SYT14: variants seen among roughly 807,000 people sequenced by gnomAD.
SYT14 encodes synaptotagmin 14.
In SYT14, 32 loss-of-function variants were observed where a neutral mutation model predicts 74.2. The ratio of observed to expected loss-of-function variants is 0.43; its 90% CI spans 0.33 to 0.58. The LOEUF (loss-of-function observed/expected upper bound fraction) is 0.58, where lower values mean the gene tolerates loss of function less well. Ranked by LOEUF, SYT14 falls within the 20% of genes least tolerant of loss-of-function variation. SYT14 has a pLI of 0.05. For missense variants in SYT14, 791 were observed against 981.8 expected (o/e 0.81, Z 2.60); for synonymous variants, 298 against 337.7 (o/e 0.88, Z 1.29).
intron 1 of SYT14, among the ~76,000 whole-genome samples, chr1:209,944,969 CT>C (rs2078798930): frequency 6.6e-6 from 1 of 152,030 alleles, no homozygotes; most frequent in Non-Finnish European, 1.5e-5. Flanking sequence ...TTTTTGGGTG[CT>C]TGCCATGGGC....
intron 7 of SYT14, among the ~76,000 whole-genome samples, chr1:210,121,312 C>G (rs772968286): frequency 6.6e-6 from 1 of 152,062 alleles, no homozygotes; most frequent in Non-Finnish European, 1.5e-5. Flanking sequence ...TAATTAGATA[C>G]TAGTCCGCAA....
exon 10 of SYT14, chr1:210,168,765 C>T (rs545637400): frequency 3.3e-5 from 5 of 152,282 alleles, no homozygotes; most frequent in South Asian, 2.1e-4. Context: ...CTCCTTCTGA[C>T]GGTTTAATTT....
At chr1:210,130,465 T>G (rs2082651709) in intron 7 of SYT14, among the ~76,000 whole-genome samples, 1 of 152,206 alleles carries the variant, frequency 6.6e-6, no homozygotes, top group African/African-American at 2.4e-5. Context: ...TATTGTGGCA[T>G]TGAAGATATT....
At chr1:209,939,260 G>T (rs1021160624) in intron 1 of SYT14, among the ~76,000 whole-genome samples, 4 of 152,216 alleles carry the variant, frequency 2.6e-5, no homozygotes, top group African/African-American at 9.6e-5. Flanking sequence ...TTCCCTGTGT[G>T]TGTATATTCA....
chr1:209,987,213 C>CT (rs1199702501), intron 2 of SYT14, among the ~76,000 whole-genome samples: 1 of 152,212 alleles, frequency 6.6e-6, no homozygotes, highest in Non-Finnish European at 1.5e-5. Context: ...TCCAAAGTTG[C>CT]TTTCACATTT....
rs7517019 is a variant in SYT14, at chr1:209,987,716, C to G, written c.-485-25917C>G. Among the ~76,000 whole-genome samples, 12 of 151,734 alleles carry G rather than the reference C, an allele frequency of 7.9e-5. No individual in the cohort carries two copies. In the East Asian group the frequency reaches 2.3e-3, roughly 30 times the overall value. On this transcript the variant is annotated intron_variant, in intron 2 of 9. Coordinates refer to ENST00000637265, the Ensembl canonical transcript of SYT14. ...TTGTTTTACAAAATTTCACCTTTTG[C>G]TTTTCAAAGATCATTTAACTGGCAA...
chr1:210,080,247 A>T (rs2081593775), intron 5 of SYT14, among the ~76,000 whole-genome samples: 1 of 152,186 alleles, frequency 6.6e-6, no homozygotes, highest in African/African-American at 2.4e-5. Flanking sequence ...TGTTTAGGCA[A>T]TTTTGTGAAT....
At chr1:209,952,603 C>CT in intron 1 of SYT14, 106 bp from the exon 2 acceptor site, 5 of 964,818 alleles carry the variant, frequency 5.2e-6, no homozygotes, top group Non-Finnish European at 4.9e-6. Context: ...GTTAGGGAAA[C>CT]TTTTTTTGAG....
intron 5 of SYT14, among the ~76,000 whole-genome samples, chr1:210,065,887 C>G (rs1160662847): frequency 6.6e-6 from 1 of 151,138 alleles, no homozygotes; most frequent in Non-Finnish European, 1.5e-5. Context: ...TCCCCCCACC[C>G]CACAACAGTC....
chr1:210,141,003 ATT>A (rs1333103737), intron 7 of SYT14, among the ~76,000 whole-genome samples: 2 of 149,918 alleles, frequency 1.3e-5, no homozygotes, highest in Non-Finnish European at 3.0e-5. Flanking sequence ...TTACATATGA[ATT>A]TTAGGACACT....
chr1:210,105,375 C>G (rs1388404040), intron 7 of SYT14, among the ~76,000 whole-genome samples: 2 of 152,082 alleles, frequency 1.3e-5, no homozygotes, highest in Admixed American at 6.6e-5. Flanking sequence ...ATCTTCTGCT[C>G]GTAACCTTTA....
chr1:210,090,596 A>AG (rs905320158), intron 5 of SYT14, among the ~76,000 whole-genome samples: 21 of 152,258 alleles, frequency 1.4e-4, no homozygotes, highest in African/African-American at 5.1e-4. Flanking sequence ...ATCCTCTTAT[A>AG]GATATATCAT....
In SYT14 at chr1:210,160,838, C is replaced by A. The variant is rs780423233; in HGVS notation, c.2391C>A (p.Val797=). The A allele has an allele frequency of 1.9e-6, 3 of 1,613,878 alleles. No homozygotes were observed. In the Admixed American group the frequency reaches 5.0e-5, roughly 27 times the overall value. The stretch of plus-strand genomic sequence containing the variant: ...ATCCAGTATATAAGGAAACTTTTGT[C>A]TTTCAAGTGGCCCTATTTCAGCTTT... Residue 797 remains valine (V), a synonymous_variant, in exon 10 of 10, where the codon GTC becomes GTA. Coordinates refer to ENST00000637265, the Ensembl canonical transcript of SYT14.
At chr1:210,141,046 CAAAAA>C (rs36006017) in intron 7 of SYT14, among the ~76,000 whole-genome samples, 4 of 97,098 alleles carry the variant, frequency 4.1e-5, no homozygotes, top group Admixed American at 1.9e-4. Flanking sequence ...TTTGTTTCTG[CAAAAA>C]AAAAAAAAAA....
intron 7 of SYT14, among the ~76,000 whole-genome samples, chr1:210,143,266 A>G (rs894519757): frequency 6.6e-6 from 1 of 152,208 alleles, no homozygotes; most frequent in African/African-American, 2.4e-5. Context: ...GTGCCATTCT[A>G]ATGTAGGGAA....
chr1:209,978,758 A>G (rs1440055817), intron 2 of SYT14, among the ~76,000 whole-genome samples: 1 of 152,230 alleles, frequency 6.6e-6, no homozygotes, highest in African/African-American at 2.4e-5. Flanking sequence ...TTAAGTCTGC[A>G]GAGGATTTTG....
chr1:209,966,388 A>G (rs1378451700), intron 2 of SYT14, among the ~76,000 whole-genome samples: 1 of 152,164 alleles, frequency 6.6e-6, no homozygotes, highest in Non-Finnish European at 1.5e-5. Flanking sequence ...GGAATTTTGG[A>G]TGGGACTGTG....
chr1:210,043,936 G>T (rs1351096218), intron 5 of SYT14, among the ~76,000 whole-genome samples: 1 of 152,012 alleles, frequency 6.6e-6, no homozygotes, highest in East Asian at 1.9e-4. Flanking sequence ...ATAATACCGA[G>T]AATTTCTGTA....
At chr1:209,979,048 T>C (rs962475431) in intron 2 of SYT14, among the ~76,000 whole-genome samples, 4 of 152,148 alleles carry the variant, frequency 2.6e-5, no homozygotes, top group African/African-American at 4.8e-5. Flanking sequence ...GCTAAGACCA[T>C]TGGAAAAGCG....
Sources: allele counts gnomAD v4.1 joint callset (sites outside exome capture counted in the v4.1 genomes callset), GRCh38; gene constraint gnomAD v4.1.1; transcripts MANE v1.5; gene names NCBI Gene and HGNC (gene_info 2026-07-23, HGNC 2026-07-21).